GLI2: variants seen among roughly 807,000 people sequenced by gnomAD.
GLI2 encodes the protein GLI family zinc finger 2.
A neutral mutation model predicts 78.9 loss-of-function variants in GLI2; 22 were observed. The observed-to-expected ratio is 0.28, with a 90% CI of 0.20 to 0.40. The LOEUF is 0.40. GLI2 is among the 10% of genes least tolerant of loss of function. GLI2 has a pLI of 1.00. For missense variants in GLI2, 2,097 were observed against 2,213.2 expected, an observed-to-expected ratio of 0.95 and a Z score of 1.05; for synonymous variants, 974 against 963.7, an observed-to-expected ratio of 1.01 and a Z score of -0.20.
At chr2:120,882,670 C>T (rs1402798313) in intron 2 of GLI2, among the ~76,000 whole-genome samples, 1 of 152,220 alleles carries the variant, frequency 6.6e-6, no homozygotes, top group African/African-American at 2.4e-5. Context: ...GTGGATCTGA[C>T]CGCCATCCAG....
chr2:120,874,849 G>C (rs1486280656), intron 2 of GLI2, among the ~76,000 whole-genome samples: 6 of 152,170 alleles, frequency 3.9e-5, no homozygotes, highest in Non-Finnish European at 7.4e-5. Context: ...TCGGTGCCTG[G>C]GAACCTCAGC....
At chr2:120,894,609 T>TG (rs369826609) in intron 2 of GLI2, among the ~76,000 whole-genome samples, 2,780 of 148,142 alleles carry the variant, frequency 0.019, 96 homozygotes, top group African/African-American at 0.064. Flanking sequence ...CATTAACCCT[T>TG]GGGGGGGGGT....
At chr2:120,851,292 A>G (rs1297581878) in intron 2 of GLI2, among the ~76,000 whole-genome samples, 2 of 152,248 alleles carry the variant, frequency 1.3e-5, no homozygotes, top group Non-Finnish European at 2.9e-5. Context: ...AAGGGAGGTC[A>G]TGATGGCTAG....
intron 2 of GLI2, among the ~76,000 whole-genome samples, chr2:120,882,986 C>T (rs370643066): frequency 6.6e-6 from 1 of 152,156 alleles, no homozygotes; most frequent in East Asian, 1.9e-4. Flanking sequence ...TAGCTGCTCT[C>T]CCACCCTCCT....
intron 2 of GLI2, among the ~76,000 whole-genome samples, chr2:120,922,331 A>C (rs11122830): frequency 0.96 from 146,122 of 152,266 alleles, 70,148 homozygotes; most frequent in East Asian, 1. Context: ...ACTCCTTGCA[A>C]CTTGGCCGAC....
chr2:120,782,263 A>C (rs1485367226), intron 1 of GLI2, among the ~76,000 whole-genome samples: 2 of 152,190 alleles, frequency 1.3e-5, no homozygotes, highest in Non-Finnish European at 2.9e-5. Context: ...GAGGCAGGCC[A>C]GGGACTTAGC....
At chr2:120,975,777 T>C (rs1364566148) in intron 9 of GLI2, among the ~76,000 whole-genome samples, 1 of 152,174 alleles carries the variant, frequency 6.6e-6, no homozygotes, top group Non-Finnish European at 1.5e-5. Context: ...TTAGGGGTGA[T>C]GTGTGCAATG....
chr2:120,876,836 T>C (rs1364487365), intron 2 of GLI2, among the ~76,000 whole-genome samples: 2 of 152,228 alleles, frequency 1.3e-5, no homozygotes, highest in Non-Finnish European at 2.9e-5. Flanking sequence ...CAGATGCACT[T>C]GCAGAATGAT....
In GLI2 at chr2:120,978,424, C is replaced by G; in HGVS notation, c.1318-10C>G. The G allele has an allele frequency of 6.2e-7, 1 of 1,614,096 alleles. No individual in the cohort carries two copies. Among genetic ancestry groups the G allele is most frequent in the East Asian group, 2.2e-5 (1 of 44,878 alleles). ...CTGCTTACCCTCTTCTGGGCATGTC[C>G]CTCCGGCAGCACATCAACAACGAGC... On this transcript the variant is annotated splice_polypyrimidine_tract_variant and intron_variant, in intron 9 of 13. Transcript: ENST00000361492.
chr2:120,767,909 C>T (rs916617792), intron 1 of GLI2, among the ~76,000 whole-genome samples: 16 of 152,318 alleles, frequency 1.1e-4, no homozygotes, highest in Admixed American at 9.8e-4. Context: ...GAAGTGCAGG[C>T]CCCTGTCACA....
rs280198 is a variant in GLI2, at chr2:120,984,186, G to A, written c.1633-285G>A. Reference sequence around the variant, plus strand: ...CCACTGCCCTGTTCATTGAGAGGCAGCATTGTGATTACACGAGGCACATGT... The same window carrying A: ...CCACTGCCCTGTTCATTGAGAGGCAACATTGTGATTACACGAGGCACATGT... On this transcript the variant is annotated intron_variant, in intron 11 of 13. Transcript: ENST00000361492. 0.29 allele frequency among the ~76,000 whole-genome samples: 44,528 copies of A among 151,966 alleles called. 6,814 individuals are homozygous for A. Among genetic ancestry groups the A allele is most frequent in the East Asian group, 0.5 (2,563 of 5,152 alleles).
chr2:120,797,993 C>A (rs904937917), intron 2 of GLI2, among the ~76,000 whole-genome samples: 4 of 152,198 alleles, frequency 2.6e-5, no homozygotes, highest in African/African-American at 4.8e-5. Context: ...TTTACTGCCC[C>A]AAAGAGAAAG....
At chr2:120,797,903 G>C (rs1455524246) in intron 2 of GLI2, among the ~76,000 whole-genome samples, 1 of 152,234 alleles carries the variant, frequency 6.6e-6, no homozygotes, top group Non-Finnish European at 1.5e-5. Flanking sequence ...AGAGGGTCAG[G>C]TTCGGGATTT....
chr2:120,758,037 C>T (rs1378191418), intron 1 of GLI2, among the ~76,000 whole-genome samples: 1 of 152,162 alleles, frequency 6.6e-6, no homozygotes, highest in Non-Finnish European at 1.5e-5. Context: ...TGTGAGTGGT[C>T]CACTGTAAGG....
At chr2:120,968,685 T>A in intron 5 of GLI2, 29 bp from the exon 6 acceptor site, 2 of 1,523,492 alleles carry the variant, frequency 1.3e-6, no homozygotes, top group Non-Finnish European at 1.8e-6. Context: ...CCAGTGATGC[T>A]GACCTGTCTT....
In GLI2 at chr2:120,773,411, C is replaced by T. The variant is rs569258610; in HGVS notation, c.-30-23880C>T. Among the ~76,000 whole-genome samples, 272 of 152,198 alleles carry T rather than the reference C, an allele frequency of 1.8e-3. 3 individuals are homozygous for T. The highest frequency in any genetic ancestry group is 9.7e-4 in the East Asian group (5 of 5,160). On this transcript the variant is annotated intron_variant, in intron 1 of 13. Coordinates refer to ENST00000361492, the MANE Select transcript of GLI2 (RefSeq NM_001374353.1). ...ATTATGTGTGGCATCCTGTCACCCGCGGTGACAGCCCAGGCAGGGATGGGA... is the reference window on the plus strand; with the variant it reads ...ATTATGTGTGGCATCCTGTCACCCGTGGTGACAGCCCAGGCAGGGATGGGA...
intron 5 of GLI2, among the ~76,000 whole-genome samples, chr2:120,960,002 A>G (rs1681466473): frequency 3.9e-5 from 6 of 152,214 alleles, no homozygotes; most frequent in Admixed American, 6.5e-5. Flanking sequence ...TGGAGAGCTC[A>G]TGGACAGCCA....
intron 2 of GLI2, among the ~76,000 whole-genome samples, chr2:120,861,304 G>A (rs956854472): frequency 9.9e-5 from 15 of 152,190 alleles, no homozygotes; most frequent in African/African-American, 1.4e-4. Flanking sequence ...GGGTGCTGAC[G>A]TGAATATGAA....
At chr2:120,982,151 C>G (rs555982882) in intron 10 of GLI2, among the ~76,000 whole-genome samples, 1 of 151,952 alleles carries the variant, frequency 6.6e-6, no homozygotes, top group Non-Finnish European at 1.5e-5. Context: ...CCAGAGGGGT[C>G]GGTAGTATGC....
Sources: allele counts gnomAD v4.1 joint callset (sites outside exome capture counted in the v4.1 genomes callset), GRCh38; gene constraint gnomAD v4.1.1; transcripts MANE v1.5; gene names NCBI Gene and HGNC (gene_info 2026-07-23, HGNC 2026-07-21).